The following CDC73 variants were observed in gnomAD, a reference collection of about 807,000 sequenced individuals.
CDC73 encodes cell division cycle 73, also known as parafibromin.
In CDC73, 21 loss-of-function variants were observed where a neutral mutation model predicts 83.7. That is an observed-to-expected ratio of 0.25 (90% CI 0.18 to 0.36). The LOEUF (loss-of-function observed/expected upper bound fraction) is 0.36, where lower values mean the gene tolerates loss of function less well. CDC73 is among the 10% of genes least tolerant of loss of function. CDC73 has a pLI of 1.00. For synonymous variants in CDC73, 224 were observed against 212.9 expected (o/e 1.05, Z -0.45); for missense variants, 342 against 653.3 (o/e 0.52, Z 5.19).
chr1:193,196,163 T>A (rs1407424848), intron 10 of CDC73, among the ~76,000 whole-genome samples: 1 of 152,224 alleles, frequency 6.6e-6, no homozygotes, highest in African/African-American at 2.4e-5. Flanking sequence ...GAGTTAAATT[T>A]GTATATAGTT....
At chr1:193,177,817 T>C (rs1676637113) in intron 10 of CDC73, among the ~76,000 whole-genome samples, 1 of 152,216 alleles carries the variant, frequency 6.6e-6, no homozygotes, top group African/African-American at 2.4e-5. Context: ...TTATGCTGTA[T>C]ACAAAGAGGT....
At chr1:193,228,097 G>C (rs955390422) in intron 13 of CDC73, among the ~76,000 whole-genome samples, 5 of 152,124 alleles carry the variant, frequency 3.3e-5, no homozygotes, top group Non-Finnish European at 5.9e-5. Context: ...AGTTTAATTA[G>C]CTCTAGAGTA....
chr1:193,195,495 A>C (rs1234796315), intron 10 of CDC73, among the ~76,000 whole-genome samples: 2 of 152,112 alleles, frequency 1.3e-5, no homozygotes, highest in African/African-American at 4.8e-5. Context: ...CGTGATTTCA[A>C]ATTTTTTTGG....
intron 10 of CDC73, among the ~76,000 whole-genome samples, chr1:193,174,136 T>C (rs1676565173): frequency 6.6e-6 from 1 of 152,100 alleles, no homozygotes; most frequent in Admixed American, 6.6e-5. Context: ...AGAAAGGTCT[T>C]GGCTACAAGT....
chr1:193,203,045 CT>C (rs1677118478), intron 10 of CDC73, among the ~76,000 whole-genome samples: 1 of 152,012 alleles, frequency 6.6e-6, no homozygotes, highest in Non-Finnish European at 1.5e-5. Flanking sequence ...ACACTTGCAA[CT>C]TTCTATAAAG....
At position 193,223,966 on chromosome 1, in the gene CDC73, A is replaced by T. The variant is rs536780415; in HGVS notation, c.1155-9027A>T. Reference sequence around the variant, plus strand: ...TATGTAATAAATCAGGGTAATTAAGATATATATTACCTTAAACATTTATCT... The same window carrying T: ...TATGTAATAAATCAGGGTAATTAAGTTATATATTACCTTAAACATTTATCT... On this transcript the variant is annotated intron_variant, in intron 13 of 16. Coordinates refer to ENST00000367435, the MANE Select transcript of CDC73 (RefSeq NM_024529.5). Among the ~76,000 whole-genome samples, 5 of 151,628 alleles carry T rather than the reference A, an allele frequency of 3.3e-5. No individual in the cohort carries two copies. The South Asian group carries it at 1.0e-3, about 32-fold the overall frequency.
chr1:193,242,870 A>G (rs1254076099), intron 15 of CDC73, among the ~76,000 whole-genome samples: 1 of 152,090 alleles, frequency 6.6e-6, no homozygotes, highest in African/African-American at 2.4e-5. Context: ...GTTGTGTGAA[A>G]TATTTTGCAG....
At chr1:193,131,152 T>C (rs558048874) in intron 3 of CDC73, among the ~76,000 whole-genome samples, 2 of 152,318 alleles carry the variant, frequency 1.3e-5, no homozygotes, top group South Asian at 2.1e-4. Context: ...GAATGTTGAA[T>C]AGGCATCTGA....
At chr1:193,199,437 C>T (rs899170608) in intron 10 of CDC73, among the ~76,000 whole-genome samples, 1 of 152,068 alleles carries the variant, frequency 6.6e-6, no homozygotes. Context: ...TCAGGCCGGG[C>T]ACGATGGCTC....
chr1:193,135,619 T>G (rs375460045), intron 5 of CDC73, 30 bp downstream of exon 5: 5 of 1,497,316 alleles, frequency 3.3e-6, no homozygotes, highest in Non-Finnish European at 3.7e-6. Flanking sequence ...AACAATTTTA[T>G]TTATATTGTT....
intron 13 of CDC73, among the ~76,000 whole-genome samples, chr1:193,213,899 A>G (rs532285019): frequency 5.3e-5 from 8 of 152,336 alleles, no homozygotes; most frequent in Admixed American, 5.2e-4. Context: ...TCTGGGTAGT[A>G]TAAATTCAAA....
At chr1:193,225,245 G>GATATATATATATATATATATATATATAT (rs56261261) in intron 13 of CDC73, among the ~76,000 whole-genome samples, 5 of 143,606 alleles carry the variant, frequency 3.5e-5, no homozygotes, top group South Asian at 2.2e-4. Flanking sequence ...AGTATTCCAT[G>GATATATATATATATATATATATATATAT]ATATATATAT....
chr1:193,170,235 G>T (rs1676496995), intron 10 of CDC73, among the ~76,000 whole-genome samples: 1 of 152,032 alleles, frequency 6.6e-6, no homozygotes, highest in Non-Finnish European at 1.5e-5. Flanking sequence ...TTGCTACTTT[G>T]ACTAGTGCTG....
intron 3 of CDC73, among the ~76,000 whole-genome samples, chr1:193,131,704 C>G (rs1196371327): frequency 8.5e-5 from 13 of 152,174 alleles, no homozygotes; most frequent in Admixed American, 8.5e-4. Flanking sequence ...TTTGCACTTT[C>G]TCTTTCTATC....
At chr1:193,172,834 T>C (rs986522515) in intron 10 of CDC73, among the ~76,000 whole-genome samples, 1 of 152,228 alleles carries the variant, frequency 6.6e-6, no homozygotes, top group Non-Finnish European at 1.5e-5. Flanking sequence ...AAACCATTGC[T>C]GTATCTAATA....
In CDC73 at chr1:193,237,588, C is replaced by T. The variant is rs928481741; in HGVS notation, c.1417+1232C>T. Among the ~76,000 whole-genome samples, 7 of 151,920 alleles carry T rather than the reference C, an allele frequency of 4.6e-5. No homozygotes were observed. In the East Asian group the frequency reaches 5.8e-4, roughly 13 times the overall value. ...GTGGCCTTTAATCAACTGCAGGAGT[C>T]GGGAGGTAGGGGTGGCGGGTTGGAG... On this transcript the variant is annotated intron_variant, in intron 15 of 16. Transcript: ENST00000367435.
At chr1:193,153,571 G>A (rs1237974473) in intron 10 of CDC73, among the ~76,000 whole-genome samples, 1 of 152,088 alleles carries the variant, frequency 6.6e-6, no homozygotes, top group South Asian at 2.1e-4. Flanking sequence ...GGGCTTTTAC[G>A]TGTTTTACTC....
intron 13 of CDC73, among the ~76,000 whole-genome samples, chr1:193,230,682 G>A (rs1677649117): frequency 6.6e-6 from 1 of 152,066 alleles, no homozygotes; most frequent in Admixed American, 6.6e-5. Context: ...TTAATTGGCA[G>A]TAGTTTTTTC....
chr1:193,223,876 T>G (rs1343870100), intron 13 of CDC73, among the ~76,000 whole-genome samples: 1 of 151,388 alleles, frequency 6.6e-6, no homozygotes, highest in Non-Finnish European at 1.5e-5. Flanking sequence ...TTTTTTTTTT[T>G]GTATTGATAC....
Sources: gnomAD v4.1 joint callset for allele counts (sites outside exome capture counted in the v4.1 genomes callset) on GRCh38, gnomAD v4.1.1 for gene constraint, MANE v1.5 for transcripts, NCBI Gene and HGNC (gene_info 2026-07-23, HGNC 2026-07-21) for gene names.